AAK1: variants seen among roughly 807,000 people sequenced by gnomAD.
AAK1 encodes AP2-associated protein kinase 1.
A neutral mutation model predicts 116.0 loss-of-function variants in AAK1; 37 were observed. That is an observed-to-expected ratio of 0.32 (90% CI 0.25 to 0.42). AAK1 has a LOEUF of 0.42. AAK1 is among the 10% of genes least tolerant of loss of function. AAK1 has a pLI of 1.00. For synonymous variants in AAK1, 458 were observed against 439.9 expected (o/e 1.04, Z -0.51); for missense variants, 919 against 1,170.6 (o/e 0.79, Z 3.14).
At chr2:69,611,078 G>C (rs1182531493) in intron 2 of AAK1, among the ~76,000 whole-genome samples, 3 of 152,190 alleles carry the variant, frequency 2.0e-5, no homozygotes, top group African/African-American at 7.2e-5. Flanking sequence ...GGGATGCCTA[G>C]ATGGCTGGTG....
At chr2:69,487,860 G>A in intron 17 of AAK1, among the ~76,000 whole-genome samples, 1 of 148,570 alleles carries the variant, frequency 6.7e-6, no homozygotes, top group East Asian at 2.0e-4. Context: ...CGCGATCTCA[G>A]CTCACTGCAA....
intron 2 of AAK1, among the ~76,000 whole-genome samples, chr2:69,641,583 A>G (rs3860459): frequency 0.14 from 21,246 of 152,090 alleles, 3,196 homozygotes; most frequent in East Asian, 0.39. Flanking sequence ...TAAAGTACAG[A>G]CTTCAACTCT....
intron 2 of AAK1, among the ~76,000 whole-genome samples, chr2:69,600,523 G>T (rs1673527655): frequency 1.3e-5 from 2 of 152,130 alleles, no homozygotes; most frequent in African/African-American, 2.4e-5. Context: ...ATTAGAAGTG[G>T]AGCCTGAAGA....
In AAK1 at chr2:69,471,084, A is replaced by C; in HGVS notation, c.*4785T>G. ...TGTATGCTTTGTCTTCTTGGGAAGG[A>C]CGCGTTAAAGACCTATGATAAACAC... On this transcript the variant is annotated 3_prime_UTR_variant, in exon 22 of 22. Coordinates refer to ENST00000409085, the MANE Select transcript of AAK1 (RefSeq NM_014911.5). The C allele has an allele frequency of 1.0e-6, 1 of 985,800 alleles. No homozygotes were observed. Among genetic ancestry groups the C allele is most frequent in the Middle Eastern group, 5.2e-4 (1 of 1,914 alleles). 61.1% of individuals were successfully genotyped at this position (985,800 alleles called of 1,614,324 possible). A position where few individuals can be genotyped will look rare whatever the true frequency, so the allele number is the denominator to read the frequency against.
chr2:69,491,766 T>TGACC (rs1360420525), intron 17 of AAK1, among the ~76,000 whole-genome samples: 1 of 152,216 alleles, frequency 6.6e-6, no homozygotes, highest in African/African-American at 2.4e-5. Context: ...TCTAACCTTG[T>TGACC]GACCACCCCA....
In AAK1 at chr2:69,462,271, T is replaced by G. The variant is rs1674359297; in HGVS notation, c.*13598A>C. On this transcript the variant is annotated 3_prime_UTR_variant, in exon 22 of 22. Transcript: ENST00000409085. ...ATTAGGAGATATACCTAATGCTAAATGACGAGTTAGTGGGTGCAGCACACG... is the reference window on the plus strand; with the variant it reads ...ATTAGGAGATATACCTAATGCTAAAGGACGAGTTAGTGGGTGCAGCACACG... 6.7e-6 allele frequency: 1 copy of G among 148,206 alleles called. No individual in the cohort carries two copies. Among genetic ancestry groups the G allele is most frequent in the South Asian group, 2.2e-4 (1 of 4,536 alleles). The allele number at this position is 148,206 out of a possible 1,614,324, so 9.2% of individuals were successfully genotyped here.
chr2:69,580,078 C>T (rs1252129750), intron 2 of AAK1, among the ~76,000 whole-genome samples: 1 of 152,208 alleles, frequency 6.6e-6, no homozygotes, highest in Admixed American at 6.5e-5. Flanking sequence ...ATCCAACTAA[C>T]AACCAAATCT....
chr2:69,557,203 C>T (rs906315488), intron 2 of AAK1, among the ~76,000 whole-genome samples: 2 of 152,066 alleles, frequency 1.3e-5, no homozygotes, highest in Non-Finnish European at 2.9e-5. Context: ...TCCCAAACAC[C>T]TATCTTAGGA....
At chr2:69,622,109 T>C (rs1263443599) in intron 2 of AAK1, among the ~76,000 whole-genome samples, 6 of 152,228 alleles carry the variant, frequency 3.9e-5, no homozygotes, top group Non-Finnish European at 8.8e-5. Context: ...GAACCGGGGC[T>C]GCGCAGGGCG....
intron 17 of AAK1, among the ~76,000 whole-genome samples, chr2:69,486,926 C>T (rs536632743): frequency 6.6e-6 from 1 of 152,256 alleles, no homozygotes; most frequent in Admixed American, 6.5e-5. Context: ...TGTTATCAGA[C>T]AGGTTAGCAT....
intron 2 of AAK1, among the ~76,000 whole-genome samples, chr2:69,633,264 A>G (rs1179386731): frequency 6.6e-6 from 1 of 150,550 alleles, no homozygotes; most frequent in East Asian, 2.0e-4. Flanking sequence ...AAAACAGGCA[A>G]AAAGAGGTCC....
intron 2 of AAK1, among the ~76,000 whole-genome samples, chr2:69,566,370 A>G (rs995906320): frequency 2.0e-5 from 3 of 152,056 alleles, no homozygotes; most frequent in Non-Finnish European, 2.9e-5. Context: ...ACTTGCCTCA[A>G]TTAAAAATCA....
chr2:69,560,049 T>A (rs1053746483), intron 2 of AAK1, among the ~76,000 whole-genome samples: 1 of 152,314 alleles, frequency 6.6e-6, no homozygotes, highest in African/African-American at 2.4e-5. Flanking sequence ...AATCAGTGAA[T>A]CACTTTACTT....
intron 2 of AAK1, among the ~76,000 whole-genome samples, chr2:69,639,637 T>A (rs4852892): frequency 0.24 from 36,888 of 151,998 alleles, 5,285 homozygotes; most frequent in East Asian, 0.54. Flanking sequence ...CAATTCCTTA[T>A]GAAAAAGCAC....
intron 10 of AAK1, 101 bp downstream of exon 10, chr2:69,524,932 C>T: frequency 8.6e-7 from 1 of 1,168,744 alleles, no homozygotes; most frequent in East Asian, 2.4e-5. Context: ...CTGTGCAGCC[C>T]CTGGTCATGA....
chr2:69,506,955 C>T (rs1373472798), intron 15 of AAK1, among the ~76,000 whole-genome samples: 1 of 151,366 alleles, frequency 6.6e-6, no homozygotes, highest in Non-Finnish European at 1.5e-5. Context: ...TTTATTTAAT[C>T]ATCTTTCTGT....
At chr2:69,607,537 T>A (rs1006191298) in intron 2 of AAK1, among the ~76,000 whole-genome samples, 1 of 152,166 alleles carries the variant, frequency 6.6e-6, no homozygotes, top group Admixed American at 6.5e-5. Flanking sequence ...AAATAATTTA[T>A]CAAACACGGG....
intron 2 of AAK1, among the ~76,000 whole-genome samples, chr2:69,635,767 G>A (rs1255095030): frequency 6.6e-6 from 1 of 152,176 alleles, no homozygotes; most frequent in Non-Finnish European, 1.5e-5. Flanking sequence ...TGGAGCGCTG[G>A]TTGCCAGAGG....
At position 69,475,200 on chromosome 2, in the gene AAK1, T is replaced by C; in HGVS notation, c.*669A>G. 6.1e-6 allele frequency: 6 copies of C among 985,928 alleles called. No individual in the cohort carries two copies. The highest frequency in any genetic ancestry group is 5.2e-4 in the Middle Eastern group (1 of 1,914). 61.1% of individuals were successfully genotyped at this position (985,928 alleles called of 1,614,324 possible). A position where few individuals can be genotyped will look rare whatever the true frequency, so the allele number is the denominator to read the frequency against. On this transcript the variant is annotated 3_prime_UTR_variant, in exon 22 of 22. Coordinates refer to ENST00000409085, the MANE Select transcript of AAK1 (RefSeq NM_014911.5). ...AATGGAAGCCAGAAAGCTGGACGAATGCTGGGCAGGTTGCATGGGGTGTAA... is the reference window on the plus strand; with the variant it reads ...AATGGAAGCCAGAAAGCTGGACGAACGCTGGGCAGGTTGCATGGGGTGTAA...
Sources: allele counts gnomAD v4.1 joint callset (sites outside exome capture counted in the v4.1 genomes callset), GRCh38; gene constraint gnomAD v4.1.1; transcripts MANE v1.5; gene names NCBI Gene and HGNC (gene_info 2026-07-23, HGNC 2026-07-21).